Variants in TMEM117 observed in about 807,000 individuals in gnomAD.
TMEM117 encodes transmembrane protein 117.
In TMEM117, 27 loss-of-function variants were observed where a neutral mutation model predicts 52.4. The observed-to-expected ratio is 0.51, with a 90% CI of 0.38 to 0.71. The LOEUF (loss-of-function observed/expected upper bound fraction) is 0.71. Among genes scored for constraint, TMEM117 ranks in the 30% least tolerant of loss-of-function variants. The pLI, the probability that TMEM117 is intolerant of heterozygous loss-of-function variation, is 0.00. For synonymous variants in TMEM117, 215 were observed against 206.3 expected (o/e 1.04, Z -0.36); for missense variants, 556 against 630.5 (o/e 0.88, Z 1.26).
At chr12:44,045,034 G>T (rs1418859186) in intron 3 of TMEM117, among the ~76,000 whole-genome samples, 1 of 152,200 alleles carries the variant, frequency 6.6e-6, no homozygotes, top group Non-Finnish European at 1.5e-5. Flanking sequence ...TGCATCCCAT[G>T]TGAGTACTCA....
intron 3 of TMEM117, among the ~76,000 whole-genome samples, chr12:44,014,876 G>T (rs1946350072): frequency 6.6e-6 from 1 of 151,822 alleles, no homozygotes; most frequent in Admixed American, 6.6e-5. Context: ...ACTGTGATCG[G>T]TATGTGAAAA....
chr12:44,203,531 T>A (rs73272227), intron 4 of TMEM117, among the ~76,000 whole-genome samples: 1 of 152,160 alleles, frequency 6.6e-6, no homozygotes, highest in African/African-American at 2.4e-5. Context: ...TCTAGTCCTC[T>A]AGGTATGATG....
the TMEM117 span, among the ~76,000 whole-genome samples, chr12:43,810,385 C>T: frequency 1.3e-5 from 2 of 152,154 alleles, no homozygotes; most frequent in East Asian, 1.9e-4. Context: ...CCTTCCCTAA[C>T]GTTTAAATAG....
At chr12:44,285,599 T>G (rs1950628882) in intron 5 of TMEM117, among the ~76,000 whole-genome samples, 1 of 152,168 alleles carries the variant, frequency 6.6e-6, no homozygotes, top group Admixed American at 6.6e-5. Context: ...CCAAATCACT[T>G]CCTTCCCTAC....
intron 3 of TMEM117, among the ~76,000 whole-genome samples, chr12:44,015,679 A>G (rs764489846): frequency 1.4e-4 from 21 of 152,350 alleles, no homozygotes; most frequent in Non-Finnish European, 2.8e-4. Context: ...TTCAGGATTC[A>G]GAGTGTATTT....
intron 4 of TMEM117, among the ~76,000 whole-genome samples, chr12:44,145,025 C>T (rs530326136): frequency 2.6e-5 from 4 of 151,974 alleles, no homozygotes; most frequent in Non-Finnish European, 5.9e-5. Flanking sequence ...GGCGTGGTGG[C>T]GGGCGCCTGT....
At chr12:43,933,239 G>A (rs1474450190) in intron 2 of TMEM117, among the ~76,000 whole-genome samples, 5 of 148,552 alleles carry the variant, frequency 3.4e-5, no homozygotes, top group South Asian at 2.1e-4. Flanking sequence ...TCTTACTGTC[G>A]CCCAGGTTGG....
the TMEM117 span, among the ~76,000 whole-genome samples, chr12:44,396,374 T>C: frequency 6.6e-6 from 1 of 152,152 alleles, no homozygotes; most frequent in Non-Finnish European, 1.5e-5. Context: ...TTATCTATTA[T>C]AGTATCTTTA....
chr12:43,873,891 C>T (rs1943748065), intron 2 of TMEM117, among the ~76,000 whole-genome samples: 1 of 151,848 alleles, frequency 6.6e-6, no homozygotes, highest in Non-Finnish European at 1.5e-5. Context: ...TACTTGTTTT[C>T]TCTTTCATTT....
At chr12:43,859,709 G>GGGAA (rs1943457319) in intron 2 of TMEM117, among the ~76,000 whole-genome samples, 1 of 152,030 alleles carries the variant, frequency 6.6e-6, no homozygotes, top group Non-Finnish European at 1.5e-5. Flanking sequence ...TGAAATGGAG[G>GGGAA]GGAAGGAAGG....
chr12:44,352,810 T>C (rs904467105), intron 6 of TMEM117, among the ~76,000 whole-genome samples: 5 of 151,998 alleles, frequency 3.3e-5, no homozygotes, highest in African/African-American at 9.7e-5. Flanking sequence ...GGTATATACC[T>C]AGTAATGGGA....
intron 3 of TMEM117, chr12:44,010,322 C>CT (rs1166472435): frequency 4.5e-6 from 2 of 444,186 alleles, no homozygotes; most frequent in African/African-American, 4.0e-5. Flanking sequence ...TGACTACCCT[C>CT]TGTTGCCATG....
At chr12:43,997,556 T>TGGAGG (rs1946051387) in intron 3 of TMEM117, among the ~76,000 whole-genome samples, 1 of 152,192 alleles carries the variant, frequency 6.6e-6, no homozygotes, top group Admixed American at 6.5e-5. Flanking sequence ...ATCCTCCAAT[T>TGGAGG]CTATTCCCCT....
chr12:44,387,910 C>T (rs1162100546), intron 7 of TMEM117, 116 bp from the exon 8 acceptor site: 5 of 943,546 alleles, frequency 5.3e-6, no homozygotes, highest in Non-Finnish European at 7.7e-6. Flanking sequence ...TAATTGTTAA[C>T]CAGTCTGAAA....
chr12:44,119,688 A>G (rs1183215458), intron 3 of TMEM117, among the ~76,000 whole-genome samples: 1 of 152,160 alleles, frequency 6.6e-6, no homozygotes, highest in Non-Finnish European at 1.5e-5. Flanking sequence ...AGCTTTAGCC[A>G]TGTCAGTGAC....
At chr12:44,241,325 T>C (rs968763207) in intron 5 of TMEM117, among the ~76,000 whole-genome samples, 1 of 151,952 alleles carries the variant, frequency 6.6e-6, no homozygotes, top group African/African-American at 2.4e-5. Context: ...ATTTGGGCTT[T>C]GTCAGACACT....
chr12:43,811,372 T>G, the TMEM117 span, among the ~76,000 whole-genome samples: 1 of 152,174 alleles, frequency 6.6e-6, no homozygotes, highest in Non-Finnish European at 1.5e-5. Context: ...AACCACAAAT[T>G]AGGATAGTGG....
chr12:44,096,471 G>T (rs1416239029), intron 3 of TMEM117, among the ~76,000 whole-genome samples: 1 of 150,734 alleles, frequency 6.6e-6, no homozygotes, highest in South Asian at 2.1e-4. Flanking sequence ...CTATACTACA[G>T]GGCTACAGTA....
chr12:44,373,184 G>T (rs1161970270), intron 6 of TMEM117, among the ~76,000 whole-genome samples: 1 of 152,202 alleles, frequency 6.6e-6, no homozygotes, highest in Non-Finnish European at 1.5e-5. Context: ...CTGCATAGCA[G>T]CAGTGTCTCC....
Sources: gnomAD v4.1 joint callset for allele counts (sites outside exome capture counted in the v4.1 genomes callset) on GRCh38, gnomAD v4.1.1 for gene constraint, MANE v1.5 for transcripts, NCBI Gene and HGNC (gene_info 2026-07-23, HGNC 2026-07-21) for gene names.